DEPDC5: variants seen among roughly 807,000 people sequenced by gnomAD.
DEPDC5 encodes the protein GATOR1 complex protein DEPDC5.
A neutral mutation model predicts 217.3 loss-of-function variants in DEPDC5; 73 were observed. The ratio of observed to expected loss-of-function variants is 0.34; its 90% CI spans 0.28 to 0.41. DEPDC5 has a LOEUF of 0.41. DEPDC5 is among the 10% of genes least tolerant of loss of function. DEPDC5 has a pLI of 1.00. For missense variants in DEPDC5, 1,675 were observed against 2,070.1 expected (o/e 0.81, Z 3.70); for synonymous variants, 733 against 756.7 (o/e 0.97, Z 0.51).
intron 29 of DEPDC5, among the ~76,000 whole-genome samples, chr22:31,844,390 T>A (rs571476695): frequency 5.8e-4 from 88 of 152,236 alleles, no homozygotes; most frequent in South Asian, 1.0e-3. Context: ...CAAGACCTTG[T>A]CTCAAAAAAA....
intron 25 of DEPDC5, among the ~76,000 whole-genome samples, chr22:31,834,518 C>CTTT (rs367796337): frequency 2.1e-5 from 3 of 141,120 alleles, no homozygotes; most frequent in Admixed American, 1.4e-4. Flanking sequence ...TTTGTCCCCA[C>CTTT]TTTTTTTTTT....
intron 31 of DEPDC5, chr22:31,853,413 A>G (rs1338017610): frequency 6.6e-6 from 1 of 152,152 alleles, no homozygotes; most frequent in Non-Finnish European, 1.5e-5. Flanking sequence ...GACGTGCTAC[A>G]TTTTCTGAAT....
chr22:31,757,034 A>G (rs1322028003), intron 2 of DEPDC5, among the ~76,000 whole-genome samples: 1 of 151,886 alleles, frequency 6.6e-6, no homozygotes, highest in Non-Finnish European at 1.5e-5. Context: ...GTCCCTAAAG[A>G]GTTTTCAGTT....
At chr22:31,837,217 A>G (rs1341567835) in intron 26 of DEPDC5, 62 bp downstream of exon 26, 2 of 1,556,590 alleles carry the variant, frequency 1.3e-6, no homozygotes, top group Non-Finnish European at 8.8e-7. Context: ...TATCCCACAC[A>G]TGCATCAGAA....
chr22:31,788,334 C>T (rs1312974961), intron 10 of DEPDC5, among the ~76,000 whole-genome samples: 8 of 131,334 alleles, frequency 6.1e-5, no homozygotes, highest in African/African-American at 9.0e-5. Flanking sequence ...AGTGCAGTGG[C>T]GCAATCATAG....
At chr22:31,821,737 A>G in intron 23 of DEPDC5, 100 bp downstream of exon 23, 1 of 1,514,090 alleles carries the variant, frequency 6.6e-7, no homozygotes. Flanking sequence ...TGTTTAGAAG[A>G]CTTGAAAAGA....
chr22:31,798,672 G>A lies in DEPDC5; in HGVS notation c.946+16G>A, dbSNP rs749943635. 3.9e-5 allele frequency: 63 copies of A among 1,607,726 alleles called. No individual in the cohort carries two copies. In the South Asian group the frequency reaches 4.9e-4, roughly 12 times the overall value. On this transcript the variant is annotated intron_variant, in intron 14 of 42. Coordinates refer to ENST00000651528, the MANE Select transcript of DEPDC5 (RefSeq NM_001242896.3). ...TCATTCAATGGTGAGTAAGGATGCCGGCCATGAGCCAGCATCTTGCCTACC... is the reference window on the plus strand; with the variant it reads ...TCATTCAATGGTGAGTAAGGATGCCAGCCATGAGCCAGCATCTTGCCTACC...
chr22:31,894,567 CAG>C (rs2093508585), intron 39 of DEPDC5: 1 of 152,156 alleles, frequency 6.6e-6, no homozygotes, highest in South Asian at 2.1e-4. Flanking sequence ...TATCTGAAGA[CAG>C]AAAAGGGTGG....
At chr22:31,901,485 A>G (rs2093647909) in intron 40 of DEPDC5, among the ~76,000 whole-genome samples, 1 of 152,216 alleles carries the variant, frequency 6.6e-6, no homozygotes, top group Non-Finnish European at 1.5e-5. Flanking sequence ...GGTAGCTCAC[A>G]CTGACTGCTG....
At chr22:31,770,249 C>G (rs1194361712) in intron 7 of DEPDC5, among the ~76,000 whole-genome samples, 1 of 151,374 alleles carries the variant, frequency 6.6e-6, no homozygotes, top group Non-Finnish European at 1.5e-5. Context: ...AAAAAAAGTA[C>G]AACATGCACA....
intron 24 of DEPDC5, among the ~76,000 whole-genome samples, chr22:31,824,358 A>G (rs2089969462): frequency 6.6e-6 from 1 of 152,186 alleles, no homozygotes; most frequent in Admixed American, 6.5e-5. Flanking sequence ...AAAGAAAAAA[A>G]AAAAGAAAGG....
At chr22:31,846,800 G>A (rs1401414757) in intron 30 of DEPDC5, 34 bp from the exon 31 acceptor site, 2 of 1,613,992 alleles carry the variant, frequency 1.2e-6, no homozygotes, top group East Asian at 2.2e-5. Context: ...GAGCCCACTT[G>A]GCTGATGGCC....
intron 4 of DEPDC5, among the ~76,000 whole-genome samples, chr22:31,761,662 C>CAAAAAAAA (rs532267383): frequency 2.1e-5 from 2 of 97,478 alleles, no homozygotes; most frequent in African/African-American, 3.9e-5. Context: ...GACCCTATCT[C>CAAAAAAAA]AAAAAAAAAA....
chr22:31,784,620 CA>C lies in DEPDC5; in HGVS notation c.563-178del, dbSNP rs34957936. 0.33 allele frequency: 104,464 copies of C among 319,626 alleles called. 5,528 individuals carry two copies. The highest frequency in any genetic ancestry group is 0.48 in the African/African-American group (18,304 of 38,134). 19.8% of individuals were successfully genotyped at this position (319,626 alleles called of 1,614,324 possible). On this transcript the variant is annotated intron_variant, in intron 9 of 42. Coordinates refer to ENST00000651528, the MANE Select transcript of DEPDC5 (RefSeq NM_001242896.3). ...GGGAGACAAAGTGAGACTCCCATCT[CA>C]AAAAAAAAAAAAAAAGATGTACAAA...
intron 14 of DEPDC5, among the ~76,000 whole-genome samples, chr22:31,800,327 C>T (rs2086738873): frequency 6.6e-6 from 1 of 152,126 alleles, no homozygotes; most frequent in African/African-American, 2.4e-5. Flanking sequence ...TGCTCTGGTT[C>T]AAAGGCCTCT....
At chr22:31,904,612 G>A (rs773246921) in intron 41 of DEPDC5, among the ~76,000 whole-genome samples, 11 of 152,128 alleles carry the variant, frequency 7.2e-5, no homozygotes, top group East Asian at 3.9e-4. Context: ...TCATGGTGGC[G>A]CGTGCCTGTA....
At chr22:31,879,327 C>G (rs1299361214) in intron 37 of DEPDC5, among the ~76,000 whole-genome samples, 198 bp from the exon 38 acceptor site, 3 of 151,974 alleles carry the variant, frequency 2.0e-5, no homozygotes, top group Non-Finnish European at 2.9e-5. Context: ...CCACCCCCAG[C>G]AACCAATAAT....
In DEPDC5 at chr22:31,807,555, C is replaced by A. The variant is rs117837809; in HGVS notation, c.1287+1364C>A. On this transcript the variant is annotated intron_variant, in intron 18 of 42. Coordinates refer to ENST00000651528, the MANE Select transcript of DEPDC5 (RefSeq NM_001242896.3). ...CAAGCAATTCCTGTGCCCTAGCCTC[C>A]TGAGTAGCTGGGATTACAGGCACCC... 2.0e-3 allele frequency among the ~76,000 whole-genome samples: 311 copies of A among 152,220 alleles called. 2 individuals carry two copies. Among genetic ancestry groups the A allele is most frequent in the Middle Eastern group, 0.014 (4 of 294 alleles).
intron 20 of DEPDC5, among the ~76,000 whole-genome samples, chr22:31,813,562 G>A (rs1233167580): frequency 6.6e-6 from 1 of 152,136 alleles, no homozygotes; most frequent in African/African-American, 2.4e-5. Context: ...AGCCCCGTTG[G>A]TGGGCTTGCT....
Sources: allele counts gnomAD v4.1 joint callset (sites outside exome capture counted in the v4.1 genomes callset), GRCh38; gene constraint gnomAD v4.1.1; transcripts MANE v1.5; gene names NCBI Gene and HGNC (gene_info 2026-07-23, HGNC 2026-07-21).